SCML2: variants seen among roughly 807,000 people sequenced by gnomAD.
The protein encoded by SCML2 is Scm polycomb group protein like 2.
SCML2 carries 6 observed loss-of-function variants against 48.4 expected under a neutral mutation model. The observed-to-expected ratio is 0.12, with a 90% CI of 0.07 to 0.24. SCML2 has a LOEUF of 0.24. Ranked by LOEUF, SCML2 falls within the 10% of genes least tolerant of loss-of-function variation. The pLI is 1.00. For missense variants in SCML2, 377 were observed against 528.2 expected (o/e 0.71, Z 2.81); for synonymous variants, 181 against 189.5 (o/e 0.95, Z 0.37).
chrX:18,271,715 A>G (rs1276166157), intron 7 of SCML2, among the ~76,000 whole-genome samples: 1 of 108,358 alleles, frequency 9.2e-6, no homozygotes, highest in Non-Finnish European at 1.9e-5. Context: ...CTCCATATAT[A>G]CTATGTACGA....
intron 7 of SCML2, among the ~76,000 whole-genome samples, chrX:18,304,044 T>A (rs762744578): frequency 8.9e-6 from 1 of 112,225 alleles, no homozygotes; most frequent in South Asian, 3.7e-4. Context: ...ATTTTTCATT[T>A]ATTTATTTTT....
chrX:18,323,979 A>T lies in SCML2; in HGVS notation c.277T>A (p.Leu93Ile). 8.3e-7 allele frequency: 1 copy of T among 1,210,860 alleles called. No homozygotes were observed. Among genetic ancestry groups the T allele is most frequent in the Non-Finnish European group, 1.1e-6 (1 of 894,720 alleles). Residue 93 changes from leucine (L) to isoleucine (I), a missense_variant, in exon 5 of 15, where the codon TTA (leucine) becomes ATA (isoleucine). This residue lies in a region of SCML2 where 17 missense variants were observed against 42.8 expected (regional missense o/e 0.40). Coordinates refer to ENST00000251900, the MANE Select transcript of SCML2 (RefSeq NM_006089.3). ...ATVIGITGAR[L>I]RLRLDGSDNR... ...TCACTACCATCCAGTCGTAACCGTA[A>T]CCTGGCCCCAGTAATTCCAATAACC...
At chrX:18,269,386 C>G (rs1927372214) in intron 7 of SCML2, among the ~76,000 whole-genome samples, 1 of 111,780 alleles carries the variant, frequency 8.9e-6, no homozygotes, top group Non-Finnish European at 1.9e-5. Flanking sequence ...ACCTCTCTTT[C>G]CTGCTGCTTT....
chrX:18,287,595 G>T (rs944799018), intron 7 of SCML2, among the ~76,000 whole-genome samples: 3 of 111,769 alleles, frequency 2.7e-5, no homozygotes, highest in Middle Eastern at 4.2e-3. Flanking sequence ...CAAAAGACCA[G>T]CTAAAGTTGT....
chrX:18,254,959 A>G (rs1926788396), intron 11 of SCML2, among the ~76,000 whole-genome samples: 1 of 110,825 alleles, frequency 9.0e-6, no homozygotes, highest in Non-Finnish European at 1.9e-5. Context: ...TACTCTCAAC[A>G]TCTCCAACTC....
chrX:18,303,761 T>C (rs1273621484), intron 7 of SCML2, among the ~76,000 whole-genome samples: 1 of 111,806 alleles, frequency 8.9e-6, no homozygotes, highest in African/African-American at 3.2e-5. Context: ...CCTAGACTTA[T>C]GGAAGCAGGA....
intron 6 of SCML2, among the ~76,000 whole-genome samples, chrX:18,305,959 A>C (rs771994265): frequency 9.0e-5 from 10 of 111,721 alleles, no homozygotes; most frequent in African/African-American, 3.3e-4. Context: ...CTTTTCTTTC[A>C]ATCTGCTTTT....
intron 7 of SCML2, among the ~76,000 whole-genome samples, chrX:18,277,016 C>A (rs181746146): frequency 0.27 from 29,641 of 107,929 alleles, 3,546 homozygotes; most frequent in African/African-American, 0.45. Context: ...AAAAAAAAAA[C>A]CAAAAACAAA....
In SCML2 at chrX:18,320,345, G is replaced by T; in HGVS notation, c.473C>A (p.Thr158Lys). The T allele has an allele frequency of 8.8e-7, 1 of 1,135,871 alleles. No homozygotes were observed. The allele number at this position is 1,135,871 out of a possible 1,213,427, so 93.6% of individuals were successfully genotyped here. A position where few individuals can be genotyped will look rare whatever the true frequency, so the allele number is the denominator to read the frequency against. Residue 158 changes from threonine (T) to lysine (K), a missense_variant, in exon 6 of 15, where the codon ACA becomes AAA. Transcript: ENST00000251900. ...CATCTTTCTTACCTTCTTAAATAAT[G>T]TGGCAGATGCCATTTCAGACCCATT... ...TLNGSEMASATLFKKEPPKPP... is the reference protein window; with the variant it reads ...TLNGSEMASAKLFKKEPPKPP...
rs140083007 is a variant in SCML2 at position 18,325,897 on chromosome X, C to T, written c.92-920G>A. ...TGGAAGAATCTACGTTTACCAGCTT[C>T]TTACATTTCCTTCAAAAGATATTAT... is the stretch of plus-strand genomic sequence containing the variant. On this transcript the variant is annotated intron_variant, in intron 3 of 14. Coordinates refer to ENST00000251900, the MANE Select transcript of SCML2 (RefSeq NM_006089.3). Among the ~76,000 whole-genome samples, 158 of 112,335 alleles carry T rather than the reference C, an allele frequency of 1.4e-3. 8 individuals are homozygous for T. In the East Asian group the frequency reaches 0.038, roughly 27 times the overall value.
intron 9 of SCML2, 121 bp downstream of exon 9, chrX:18,260,050 T>C: frequency 2.2e-6 from 1 of 464,967 alleles, no homozygotes; most frequent in Admixed American, 4.5e-5. Flanking sequence ...AATGCAAAGA[T>C]AAATGTTTAA....
chrX:18,261,397 C>A (rs1218336450), intron 8 of SCML2, among the ~76,000 whole-genome samples: 3 of 109,255 alleles, frequency 2.7e-5, no homozygotes, highest in African/African-American at 1.1e-4. Flanking sequence ...TGTCTTGAGA[C>A]ATACCAAGAT....
intron 7 of SCML2, among the ~76,000 whole-genome samples, chrX:18,269,390 C>T (rs780223365): frequency 1.8e-5 from 2 of 111,876 alleles, no homozygotes; most frequent in Admixed American, 1.9e-4. Flanking sequence ...CTCTTTCCTG[C>T]TGCTTTGTGA....
intron 1 of SCML2, among the ~76,000 whole-genome samples, chrX:18,342,805 C>G (rs902867701): frequency 2.7e-5 from 3 of 111,543 alleles, no homozygotes; most frequent in Non-Finnish European, 5.6e-5. Flanking sequence ...TTTTACACAA[C>G]CATTTGTTTT....
intron 1 of SCML2, among the ~76,000 whole-genome samples, chrX:18,347,333 T>C: frequency 9.2e-6 from 1 of 108,399 alleles, no homozygotes; most frequent in Non-Finnish European, 1.9e-5. Context: ...TAGTCCCAGC[T>C]ACCTGGCAGG....
At chrX:18,321,070 A>G (rs1929301225) in intron 5 of SCML2, among the ~76,000 whole-genome samples, 1 of 111,772 alleles carries the variant, frequency 8.9e-6, no homozygotes, top group Admixed American at 9.5e-5. Flanking sequence ...AAATATAATA[A>G]AATGATAATG....
chrX:18,317,727 G>C (rs971708948), intron 6 of SCML2, among the ~76,000 whole-genome samples: 4 of 107,985 alleles, frequency 3.7e-5, no homozygotes, highest in Non-Finnish European at 5.8e-5. Context: ...CCAGCTACTC[G>C]GGAGGCTGAG....
chrX:18,265,483 A>G, intron 8 of SCML2, 102 bp downstream of exon 8: 1 of 611,680 alleles, frequency 1.6e-6, no homozygotes, highest in Non-Finnish European at 2.6e-6. Flanking sequence ...GTACATTTCT[A>G]AAGACCCTCA....
Position 18,258,100 on chromosome X carries a change from G to C in SCML2, c.1217C>G (p.Thr406Ser), listed in dbSNP as rs768323466. The C allele has an allele frequency of 1.7e-6, 2 of 1,211,500 alleles. No individual in the cohort carries two copies. Among genetic ancestry groups the C allele is most frequent in the East Asian group, 5.9e-5 (2 of 33,827 alleles). Reference sequence around the variant, plus strand: ...CTTCAGGTATCCAAAAACAGTTTTAGTTTCAAGGGCACAATCCACACAGGC... The same window carrying C: ...CTTCAGGTATCCAAAAACAGTTTTACTTTCAAGGGCACAATCCACACAGGC... ...VQACVDCALE[T>S]KTVFGYLKPD... The change falls in exon 10 of 15, where the codon ACT (threonine) becomes AGT (serine). Residue 406 changes from threonine to serine, a missense_variant. Coordinates refer to ENST00000251900, the MANE Select transcript of SCML2 (RefSeq NM_006089.3).
Sources: gnomAD v4.1 joint callset for allele counts (sites outside exome capture counted in the v4.1 genomes callset) on GRCh38, gnomAD v4.1.1 for gene constraint, gnomAD v4.1.1 regional missense constraint, MANE v1.5 for transcripts, NCBI Gene and HGNC (gene_info 2026-07-23, HGNC 2026-07-21) for gene names.